The following PCCA variants were observed in gnomAD, a reference collection of about 807,000 sequenced individuals.
PCCA encodes the protein propionyl-CoA carboxylase subunit alpha.
Under a neutral mutation model 101.3 loss-of-function variants are expected in PCCA, and 74 were observed. That is an observed-to-expected ratio of 0.73 (90% CI 0.61 to 0.89). The LOEUF is 0.89. PCCA is among the 40% of genes least tolerant of loss of function. The pLI is 0.00. For synonymous variants in PCCA, 294 were observed against 313.6 expected (o/e 0.94, Z 0.66); for missense variants, 891 against 907.0 (o/e 0.98, Z 0.23).
chr13:100,111,485 A>G (rs1431360328), intron 2 of PCCA, among the ~76,000 whole-genome samples: 2 of 152,250 alleles, frequency 1.3e-5, no homozygotes, highest in Admixed American at 1.3e-4. Flanking sequence ...TTAGTGTCTG[A>G]AATATCATTT....
chr13:100,194,629 C>T (rs1437321654), intron 6 of PCCA, among the ~76,000 whole-genome samples: 2 of 152,130 alleles, frequency 1.3e-5, no homozygotes, highest in African/African-American at 2.4e-5. Context: ...CCATATTGGC[C>T]AGGCTGGTCT....
At chr13:100,273,426 G>A in intron 12 of PCCA, 80 bp downstream of exon 12, 2 of 1,150,872 alleles carry the variant, frequency 1.7e-6, no homozygotes, top group Middle Eastern at 2.6e-4. Flanking sequence ...TTTTATAAAT[G>A]TTAAAAAATT....
chr13:100,522,937 C>G (rs2087426168), intron 22 of PCCA, among the ~76,000 whole-genome samples: 1 of 152,196 alleles, frequency 6.6e-6, no homozygotes, highest in Non-Finnish European at 1.5e-5. Flanking sequence ...TGAGCTACAC[C>G]ACCTTCTGAT....
intron 14 of PCCA, chr13:100,305,662 C>G: frequency 3.8e-6 from 1 of 264,138 alleles, no homozygotes; most frequent in East Asian, 1.2e-4. Context: ...AACCCGTTTA[C>G]TAGTTGCCAT....
intron 21 of PCCA, among the ~76,000 whole-genome samples, chr13:100,474,811 TTGAC>T (rs1431408468): frequency 6.6e-6 from 1 of 152,096 alleles, no homozygotes; most frequent in Admixed American, 6.5e-5. Flanking sequence ...CCAGAATTCT[TTGAC>T]TGTTTGATTT....
chr13:100,303,412 T>C (rs1050064083), intron 14 of PCCA, among the ~76,000 whole-genome samples: 1 of 152,118 alleles, frequency 6.6e-6, no homozygotes, highest in African/African-American at 2.4e-5. Flanking sequence ...TTTAAGGAGA[T>C]TGAATTAAGG....
intron 19 of PCCA, among the ~76,000 whole-genome samples, chr13:100,413,723 T>C (rs954568221): frequency 3.3e-5 from 5 of 152,186 alleles, no homozygotes; most frequent in African/African-American, 1.2e-4. Context: ...ATTAGGTTAC[T>C]TGTGGAACTG....
At chr13:100,243,046 C>G (rs901058229) in intron 8 of PCCA, among the ~76,000 whole-genome samples, 1 of 152,160 alleles carries the variant, frequency 6.6e-6, no homozygotes, top group African/African-American at 2.4e-5. Flanking sequence ...CAGGCATGCA[C>G]CACCACGCCT....
At chr13:100,114,823 TG>T (rs2048652505) in intron 4 of PCCA, among the ~76,000 whole-genome samples, 1 of 152,178 alleles carries the variant, frequency 6.6e-6, no homozygotes, top group Non-Finnish European at 1.5e-5. Context: ...ATGCTGTTGG[TG>T]GGAATGTAAA....
At chr13:100,108,120 G>A (rs1247429384) in intron 2 of PCCA, among the ~76,000 whole-genome samples, 2 of 152,166 alleles carry the variant, frequency 1.3e-5, no homozygotes, top group East Asian at 3.9e-4. Context: ...GCTAGCTATG[G>A]AGTTAGAGCC....
chr13:100,502,310 T>G (rs1339063827), intron 21 of PCCA, among the ~76,000 whole-genome samples: 1 of 152,070 alleles, frequency 6.6e-6, no homozygotes, highest in East Asian at 1.9e-4. Flanking sequence ...TTCACTAAGG[T>G]AGAGGCCAGG....
At chr13:100,501,176 AT>A (rs1383489672) in intron 21 of PCCA, among the ~76,000 whole-genome samples, 1 of 152,268 alleles carries the variant, frequency 6.6e-6, no homozygotes, top group East Asian at 1.9e-4. Flanking sequence ...TCACTCAGAG[AT>A]TTTTCTACCT....
chr13:100,190,731 G>C (rs537405675), intron 6 of PCCA, among the ~76,000 whole-genome samples: 3 of 152,116 alleles, frequency 2.0e-5, no homozygotes, highest in Non-Finnish European at 2.9e-5. Flanking sequence ...GGAGGCCAAG[G>C]CATGAGGATT....
chr13:100,384,154 T>C (rs1195988434), intron 19 of PCCA, among the ~76,000 whole-genome samples: 1 of 151,864 alleles, frequency 6.6e-6, no homozygotes, highest in East Asian at 1.9e-4. Context: ...GCTTCCCGAG[T>C]AGCTGGGATT....
chr13:100,345,648 A>G (rs900230898), intron 18 of PCCA, among the ~76,000 whole-genome samples: 1 of 152,224 alleles, frequency 6.6e-6, no homozygotes, highest in African/African-American at 2.4e-5. Context: ...AGGTGGCTAC[A>G]CTGAACAGCA....
At chr13:100,456,137 C>G (rs1264555884) in intron 21 of PCCA, among the ~76,000 whole-genome samples, 1 of 152,130 alleles carries the variant, frequency 6.6e-6, no homozygotes, top group Admixed American at 6.5e-5. Context: ...TTTGCTTTAT[C>G]CTGATATTAA....
At chr13:100,326,630 A>G (rs1012931772) in intron 16 of PCCA, among the ~76,000 whole-genome samples, 1 of 150,736 alleles carries the variant, frequency 6.6e-6, no homozygotes, top group South Asian at 2.1e-4. Context: ...CACCTCCTCC[A>G]CCTCTCCTGC....
intron 8 of PCCA, among the ~76,000 whole-genome samples, chr13:100,246,772 A>G (rs1005532927): frequency 3.9e-5 from 6 of 152,148 alleles, no homozygotes; most frequent in African/African-American, 1.2e-4. Flanking sequence ...TGGCTAAGGA[A>G]TAAGTCACTC....
At chr13:100,219,499 G>C (rs2059695506) in intron 7 of PCCA, among the ~76,000 whole-genome samples, 1 of 152,114 alleles carries the variant, frequency 6.6e-6, no homozygotes, top group Non-Finnish European at 1.5e-5. Context: ...AATGTTTCTT[G>C]GCTAAAGGTC....
Sources: allele counts gnomAD v4.1 joint callset (sites outside exome capture counted in the v4.1 genomes callset), GRCh38; gene constraint gnomAD v4.1.1; transcripts MANE v1.5; gene names NCBI Gene and HGNC (gene_info 2026-07-23, HGNC 2026-07-21).